ITGB1BP1: variants seen among roughly 807,000 people sequenced by gnomAD.
The protein encoded by ITGB1BP1 is integrin beta-1-binding protein 1.
Under a neutral mutation model 28.0 loss-of-function variants are expected in ITGB1BP1, and 20 were observed. The ratio of observed to expected loss-of-function variants is 0.71; its 90% CI spans 0.50 to 1.04. ITGB1BP1 has a LOEUF of 1.04. ITGB1BP1 is among the 50% of genes least tolerant of loss of function. ITGB1BP1 has a pLI of 0.00. For missense variants in ITGB1BP1, 228 were observed against 242.5 expected (o/e 0.94, Z 0.40); for synonymous variants, 103 against 89.5 (o/e 1.15, Z -0.85).
At chr2:9,422,392 C>T (rs1471660264) in intron 1 of ITGB1BP1, 1 of 985,458 alleles carries the variant, frequency 1.0e-6, no homozygotes, top group South Asian at 4.7e-5. Flanking sequence ...CAAAGCTGCT[C>T]CTGGTTCTCA....
At chr2:9,422,231 C>G (rs1679972913) in intron 1 of ITGB1BP1, among the ~76,000 whole-genome samples, 1 of 152,246 alleles carries the variant, frequency 6.6e-6, no homozygotes, top group Non-Finnish European at 1.5e-5. Context: ...TGCCACTAGC[C>G]TGCTGAAAAT....
Position 9,411,576 on chromosome 2 carries a change from T to A in ITGB1BP1, c.288+693A>T, listed in dbSNP as rs181774371. Among the ~76,000 whole-genome samples, 298 of 151,698 alleles carry A rather than the reference T, an allele frequency of 2.0e-3. 2 individuals carry two copies. Among genetic ancestry groups the A allele is most frequent in the African/African-American group, 7.0e-3 (289 of 41,318 alleles). On this transcript the variant is annotated intron_variant, in intron 4 of 6. Coordinates refer to ENST00000355346, the MANE Select transcript of ITGB1BP1 (RefSeq NM_004763.5). ...ATCTCTACTAAAATACAAAAAATTA[T>A]CTGGGCCGTGGCAGCATGCGCCTGT...
In ITGB1BP1 at chr2:9,404,686, A is replaced by G. The variant is rs185972569; in HGVS notation, c.*2148T>C. 2.5e-3 allele frequency: 387 copies of G among 152,194 alleles called. 2 individuals carry two copies. Among genetic ancestry groups the G allele is most frequent in the African/African-American group, 9.1e-3 (375 of 41,430 alleles). The allele number at this position is 152,194 out of a possible 1,614,324, so 9.4% of individuals were successfully genotyped here. Reference sequence around the variant, plus strand: ...AATGCTGTTAACTGCATTTGTTGTGATGGTGCATTTGATTGAAGCAGCTTG... The same window carrying G: ...AATGCTGTTAACTGCATTTGTTGTGGTGGTGCATTTGATTGAAGCAGCTTG... On this transcript the variant is annotated 3_prime_UTR_variant, in exon 7 of 7. Coordinates refer to ENST00000355346, the MANE Select transcript of ITGB1BP1 (RefSeq NM_004763.5).
chr2:9,422,965 C>T, intron 1 of ITGB1BP1: 1 of 986,476 alleles, frequency 1.0e-6, no homozygotes, highest in Non-Finnish European at 1.2e-6. Flanking sequence ...CTGCTTGGCA[C>T]CTGTCTGTCA....
At position 9,405,457 on chromosome 2, in the gene ITGB1BP1, A is replaced by G. The variant is rs1416089048; in HGVS notation, c.*1377T>C. On this transcript the variant is annotated 3_prime_UTR_variant, in exon 7 of 7. Coordinates refer to ENST00000355346, the MANE Select transcript of ITGB1BP1 (RefSeq NM_004763.5). ...AACTGTGTGATCTGTTAAGGGGTGG[A>G]TAACATAATATGCAGCTTAGGATGC... The G allele has an allele frequency of 1.3e-5, 2 of 152,648 alleles. No homozygotes were observed. Among genetic ancestry groups the G allele is most frequent in the Non-Finnish European group, 2.9e-5 (2 of 68,046 alleles). The allele number at this position is 152,648 out of a possible 1,614,324, so 9.5% of individuals were successfully genotyped here.
intron 2 of ITGB1BP1, among the ~76,000 whole-genome samples, chr2:9,417,329 C>G (rs1679269402): frequency 6.6e-6 from 1 of 152,020 alleles, no homozygotes; most frequent in South Asian, 2.1e-4. Context: ...TTATCATGGC[C>G]CCACTTCTCC....
intron 1 of ITGB1BP1, chr2:9,423,146 A>C: frequency 9.9e-7 from 1 of 1,009,354 alleles, no homozygotes; most frequent in South Asian, 3.3e-5. Context: ...GCGGCTCGGG[A>C]AGCTGCAGTC....
chr2:9,409,916 C>A (rs1678110743), intron 4 of ITGB1BP1, among the ~76,000 whole-genome samples: 1 of 147,802 alleles, frequency 6.8e-6, no homozygotes, highest in Non-Finnish European at 1.5e-5. Flanking sequence ...GCGATCTCGG[C>A]TCACTGCAAC....
Position 9,412,418 on chromosome 2 carries a change from G to A in ITGB1BP1, c.152-13C>T. 1 of 1,594,924 alleles carries A rather than the reference G, an allele frequency of 6.3e-7. No homozygotes were observed. Among genetic ancestry groups the A allele is most frequent in the Non-Finnish European group, 8.5e-7 (1 of 1,173,912 alleles). On this transcript the variant is annotated splice_polypyrimidine_tract_variant and intron_variant, in intron 3 of 6. Transcript: ENST00000355346. Reference sequence around the variant, plus strand: ...TTGTTGCTTTGTCCTGAAGATGAAAGAAAAGTGGTAAGACTTAAGAAGAAA... The same window carrying A: ...TTGTTGCTTTGTCCTGAAGATGAAAAAAAAGTGGTAAGACTTAAGAAGAAA...
intron 2 of ITGB1BP1, among the ~76,000 whole-genome samples, chr2:9,418,236 T>A (rs1386570409): frequency 6.6e-6 from 1 of 152,210 alleles, no homozygotes; most frequent in Non-Finnish European, 1.5e-5. Flanking sequence ...ATTCAAAAAC[T>A]CTCTGGTATA....
At chr2:9,422,799 G>C (rs539493324) in intron 1 of ITGB1BP1, 1 of 985,998 alleles carries the variant, frequency 1.0e-6, no homozygotes, top group Non-Finnish European at 1.2e-6. Flanking sequence ...CACCCTCACC[G>C]ACCAGCAAGG....
At chr2:9,418,828 G>A in intron 1 of ITGB1BP1, 96 bp from the exon 2 acceptor site, 1 of 833,830 alleles carries the variant, frequency 1.2e-6, no homozygotes, top group Non-Finnish European at 2.0e-6. Context: ...CCAGGCTGGA[G>A]TGCAGTGGCA....
chr2:9,421,644 G>A (rs1209314030), intron 1 of ITGB1BP1, among the ~76,000 whole-genome samples: 2 of 148,024 alleles, frequency 1.4e-5, no homozygotes, highest in African/African-American at 5.1e-5. Flanking sequence ...CCGAGATCGC[G>A]CCACTGCACT....
rs964794519 is a variant in ITGB1BP1, at chr2:9,415,053, G to A, written c.73-797C>T. On this transcript the variant is annotated intron_variant, in intron 2 of 6. Transcript: ENST00000355346. This position sits in a 1 kb window ranked among gnomAD's most constrained non-coding sequence, Gnocchi z 4.1. Reference sequence around the variant, plus strand: ...GAGGACAGGAGTTCGAAACCAGCCTGGCCAACATGGTGAAACCCCGTCTCT... The same window carrying A: ...GAGGACAGGAGTTCGAAACCAGCCTAGCCAACATGGTGAAACCCCGTCTCT... 6.6e-6 allele frequency among the ~76,000 whole-genome samples: 1 copy of A among 151,908 alleles called. No homozygotes were observed. The highest frequency in any genetic ancestry group is 6.6e-5 in the Admixed American group (1 of 15,252).
chr2:9,407,694 G>T, intron 5 of ITGB1BP1, 96 bp from the exon 6 acceptor site: 1 of 1,378,484 alleles, frequency 7.3e-7, no homozygotes, highest in Non-Finnish European at 1.0e-6. Context: ...GCTTGAAACA[G>T]CATATCCATA....
chr2:9,412,816 C>T (rs1291711506), intron 3 of ITGB1BP1: 2 of 154,480 alleles, frequency 1.3e-5, no homozygotes, highest in Non-Finnish European at 2.9e-5. Flanking sequence ...TGGGCTCAAG[C>T]GATCCTACCA....
chr2:9,407,261 C>T (rs1677588040), intron 6 of ITGB1BP1, 188 bp downstream of exon 6: 1 of 649,660 alleles, frequency 1.5e-6, no homozygotes, highest in East Asian at 2.7e-5. Context: ...GCCACTGGCC[C>T]TAACAAATAT....
chr2:9,419,224 A>G (rs1299743185), intron 1 of ITGB1BP1, among the ~76,000 whole-genome samples: 1 of 152,266 alleles, frequency 6.6e-6, no homozygotes, highest in African/African-American at 2.4e-5. Context: ...AAAAAGGCAG[A>G]AACCTTCTTG....
At chr2:9,408,287 G>T in intron 4 of ITGB1BP1, 82 bp from the exon 5 acceptor site, 1 of 814,978 alleles carries the variant, frequency 1.2e-6, no homozygotes, top group Non-Finnish European at 2.1e-6. Flanking sequence ...TGAGTATCTG[G>T]CCATCGCAAG....
Sources: allele counts gnomAD v4.1 joint callset (sites outside exome capture counted in the v4.1 genomes callset), GRCh38; gene constraint gnomAD v4.1.1; non-coding constraint Gnocchi (gnomAD v3.1); transcripts MANE v1.5; gene names NCBI Gene and HGNC (gene_info 2026-07-23, HGNC 2026-07-21).